The following NAA60 variants were observed in gnomAD, a reference collection of about 807,000 sequenced individuals.
NAA60 encodes N-alpha-acetyltransferase 60.
A neutral mutation model predicts 26.1 loss-of-function variants in NAA60; 8 were observed. The observed-to-expected ratio is 0.31, with a 90% confidence interval of 0.18 to 0.55. The LOEUF is 0.55. Among genes scored for constraint, NAA60 ranks in the 20% least tolerant of loss-of-function variants. The probability of loss-of-function intolerance (pLI) is 0.93; values close to 1 mark genes in which losing one functional copy is unlikely to be tolerated. For missense variants in NAA60, 290 were observed against 311.3 expected, an observed-to-expected ratio of 0.93 and a Z score of 0.51; for synonymous variants, 131 against 122.5, an observed-to-expected ratio of 1.07 and a Z score of -0.46.
At chr16:3,458,199 G>A (rs1287350013) in intron 2 of NAA60, 119 of 984,422 alleles carry the variant, frequency 1.2e-4, no homozygotes, top group Non-Finnish European at 1.4e-4. Flanking sequence ...GGCGGGGGGC[G>A]GCCGCCGGGG....
At chr16:3,458,638 G>A (rs1195662581) in intron 2 of NAA60, among the ~76,000 whole-genome samples, 1 of 152,198 alleles carries the variant, frequency 6.6e-6, no homozygotes, top group Non-Finnish European at 1.5e-5. Context: ...TTTGGTACTT[G>A]TTGCGCCGAT....
At chr16:3,450,043 AAG>A (rs1225337672) in intron 2 of NAA60, 30 of 107,376 alleles carry the variant, frequency 2.8e-4, no homozygotes, top group Admixed American at 1.5e-3. Flanking sequence ...AAAAAGAGAA[AAG>A]AAGAAGAAGG....
intron 5 of NAA60, chr16:3,483,025 G>A: frequency 2.1e-6 from 1 of 479,896 alleles, no homozygotes; most frequent in Non-Finnish European, 3.8e-6. Flanking sequence ...GTGAGCGGCA[G>A]AGTCTTAATT....
intron 2 of NAA60, among the ~76,000 whole-genome samples, chr16:3,466,659 A>G (rs527237946): frequency 3.3e-5 from 5 of 152,258 alleles, no homozygotes; most frequent in African/African-American, 9.6e-5. Flanking sequence ...GGTATGGATG[A>G]GCACATGCTA....
chr16:3,443,786 C>G lies in NAA60; in HGVS notation c.-128C>G, dbSNP rs372205362. 3.9e-4 allele frequency: 595 copies of G among 1,534,226 alleles called. 10 individuals carry two copies. In the East Asian group the frequency reaches 8.1e-3, roughly 21 times the overall value. On this transcript the variant is annotated 5_prime_UTR_variant, in exon 1 of 8. Coordinates refer to ENST00000407558, the MANE Select transcript of NAA60 (RefSeq NM_001083601.3). ...GACGTAATGTTTCCGAGAAGAAGGA[C>G]AGAAAGAAGACTGGGAGACACCGGA... is the stretch of plus-strand genomic sequence containing the variant.
chr16:3,483,775 C>T (rs567839127), intron 6 of NAA60, 178 bp downstream of exon 6: 14 of 605,784 alleles, frequency 2.3e-5, no homozygotes, highest in Middle Eastern at 4.3e-4. Flanking sequence ...TTGGGTAAAT[C>T]GAGTTGCACA....
intron 6 of NAA60, 71 bp from the exon 7 acceptor site, chr16:3,484,628 C>A (rs565691063): frequency 9.1e-6 from 14 of 1,531,786 alleles, no homozygotes; most frequent in African/African-American, 1.4e-5. Flanking sequence ...GGCCACTGCG[C>A]GGGCCCCTGA....
chr16:3,459,264 A>G (rs78878243), intron 2 of NAA60, among the ~76,000 whole-genome samples: 333 of 152,318 alleles, frequency 2.2e-3, no homozygotes, highest in East Asian at 0.01. Flanking sequence ...TGTGACTCCA[A>G]AGGTCGACTC....
chr16:3,451,008 T>C (rs2034763734), intron 2 of NAA60, among the ~76,000 whole-genome samples: 1 of 152,242 alleles, frequency 6.6e-6, no homozygotes, highest in Non-Finnish European at 1.5e-5. Flanking sequence ...GTGTTTAGCG[T>C]ATAGCAGACA....
In NAA60 at chr16:3,443,749, T is replaced by A. The variant is rs1014837491; in HGVS notation, c.-165T>A. 1.3e-6 allele frequency: 2 copies of A among 1,529,206 alleles called. No individual in the cohort carries two copies. Among genetic ancestry groups the A allele is most frequent in the Non-Finnish European group, 1.7e-6 (2 of 1,143,502 alleles). The allele number at this position is 1,529,206 out of a possible 1,614,324, so 94.7% of individuals were successfully genotyped here. A position where few individuals can be genotyped will look rare whatever the true frequency, so the allele number is the denominator to read the frequency against. On this transcript the variant is annotated 5_prime_UTR_variant, in exon 1 of 8. Transcript: ENST00000407558. ...TGCCTGCTGAAGTAGAGTCTTAGGGTGACCCCAGGGGGACGTAATGTTTCC... is the reference window on the plus strand; with the variant it reads ...TGCCTGCTGAAGTAGAGTCTTAGGGAGACCCCAGGGGGACGTAATGTTTCC...
intron 2 of NAA60, among the ~76,000 whole-genome samples, chr16:3,465,775 A>G (rs146389884): frequency 2.6e-5 from 4 of 152,274 alleles, no homozygotes; most frequent in African/African-American, 7.2e-5. Context: ...TACTTAGGTA[A>G]TGGTGCCAGA....
intron 2 of NAA60, among the ~76,000 whole-genome samples, chr16:3,458,938 T>C (rs1456366002): frequency 3.3e-5 from 5 of 152,294 alleles, no homozygotes; most frequent in Non-Finnish European, 2.9e-5. Context: ...CCCACAAATC[T>C]GTGTGCCCAA....
intron 4 of NAA60, among the ~76,000 whole-genome samples, chr16:3,482,113 T>G (rs2036874214): frequency 6.6e-6 from 1 of 152,204 alleles, no homozygotes; most frequent in African/African-American, 2.4e-5. Flanking sequence ...ATTTGTCCAC[T>G]GTCCTGCATC....
intron 4 of NAA60, among the ~76,000 whole-genome samples, chr16:3,480,353 T>C (rs1360756705): frequency 6.6e-6 from 1 of 152,118 alleles, no homozygotes; most frequent in Non-Finnish European, 1.5e-5. Context: ...TCTCAGCACT[T>C]TGGGAGGCCG....
At chr16:3,474,438 G>A (rs746863822) in intron 2 of NAA60, among the ~76,000 whole-genome samples, 2 of 152,248 alleles carry the variant, frequency 1.3e-5, no homozygotes, top group African/African-American at 2.4e-5. Context: ...ACTCCGCAGA[G>A]AAGGCTCCAG....
intron 2 of NAA60, among the ~76,000 whole-genome samples, chr16:3,455,397 T>TTG (rs929585379): frequency 4.1e-5 from 6 of 145,522 alleles, no homozygotes; most frequent in African/African-American, 1.5e-4. Flanking sequence ...TTTTTTTTTT[T>TTG]TTTTTTTTTT....
chr16:3,448,195 G>C (rs1039408366), intron 1 of NAA60, among the ~76,000 whole-genome samples: 2 of 149,520 alleles, frequency 1.3e-5, no homozygotes, highest in Non-Finnish European at 2.9e-5. Flanking sequence ...AATCACTTGA[G>C]TCCAGGAGTT....
chr16:3,481,342 G>A (rs531140812), intron 4 of NAA60, among the ~76,000 whole-genome samples: 1 of 152,092 alleles, frequency 6.6e-6, no homozygotes, highest in African/African-American at 2.4e-5. Context: ...CGCCTGCCTC[G>A]CGGGAGTGCT....
intron 4 of NAA60, among the ~76,000 whole-genome samples, 193 bp downstream of exon 4, chr16:3,479,793 C>T (rs1358860358): frequency 5.3e-5 from 8 of 152,024 alleles, no homozygotes; most frequent in Non-Finnish European, 1.0e-4. Context: ...TTTCATGGTG[C>T]GTGGGCCTCC....
Sources: allele counts gnomAD v4.1 joint callset (sites outside exome capture counted in the v4.1 genomes callset), GRCh38; gene constraint gnomAD v4.1.1; transcripts MANE v1.5; gene names NCBI Gene and HGNC (gene_info 2026-07-23, HGNC 2026-07-21).